Variants in WDPCP observed in about 807,000 individuals in gnomAD.
WDPCP encodes WD repeat-containing and planar cell polarity effector protein fritz homolog.
Under a neutral mutation model 93.1 loss-of-function variants are expected in WDPCP, and 71 were observed. That is an observed-to-expected ratio of 0.76 (90% CI 0.63 to 0.93). The LOEUF (loss-of-function observed/expected upper bound fraction) is 0.93, where lower values mean the gene tolerates loss of function less well. WDPCP is among the 40% of genes least tolerant of loss of function. The pLI is 0.00. For synonymous variants in WDPCP, 315 were observed against 315.0 expected, an observed-to-expected ratio of 1.00 and a Z score of 0.00; for missense variants, 844 against 887.4, an observed-to-expected ratio of 0.95 and a Z score of 0.62.
At chr2:63,670,605 G>C (rs1190852529) in intron 2 of WDPCP, among the ~76,000 whole-genome samples, 1 of 152,166 alleles carries the variant, frequency 6.6e-6, no homozygotes, top group Non-Finnish European at 1.5e-5. Context: ...AGTGTGTATA[G>C]AGGTAAAGTG....
chr2:63,236,996 A>G (rs1211080039), intron 14 of WDPCP, among the ~76,000 whole-genome samples: 1 of 152,290 alleles, frequency 6.6e-6, no homozygotes. Flanking sequence ...ACCTGCTTAA[A>G]CTAAAGAACT....
chr2:63,290,471 G>A (rs1437260896), intron 13 of WDPCP, among the ~76,000 whole-genome samples: 1 of 97,116 alleles, frequency 1.0e-5, no homozygotes, highest in African/African-American at 4.9e-5. Context: ...TTTAAAATGA[G>A]GAAAGACTTA....
chr2:63,764,392 G>T (rs886906526), intron 2 of WDPCP, among the ~76,000 whole-genome samples: 2 of 152,146 alleles, frequency 1.3e-5, no homozygotes, highest in African/African-American at 4.8e-5. Context: ...CTGAACATAT[G>T]GGCATGGTCT....
At chr2:63,721,856 C>G (rs1167321566) in intron 2 of WDPCP, among the ~76,000 whole-genome samples, 5 of 152,204 alleles carry the variant, frequency 3.3e-5, no homozygotes, top group African/African-American at 1.2e-4. Context: ...TCTCCTGACT[C>G]AGCCTGCCGA....
At chr2:63,125,043 C>G (rs970937887) in intron 17 of WDPCP, among the ~76,000 whole-genome samples, 3 of 152,158 alleles carry the variant, frequency 2.0e-5, no homozygotes, top group Admixed American at 6.5e-5. Context: ...GTAAGTTGAC[C>G]AGCTATTCAA....
intron 1 of WDPCP, among the ~76,000 whole-genome samples, chr2:63,498,445 A>C (rs1575531086): frequency 6.6e-6 from 1 of 152,204 alleles, no homozygotes; most frequent in Non-Finnish European, 1.5e-5. Flanking sequence ...ATCCTTAAAA[A>C]ATTTCAATTT....
At chr2:63,752,838 G>A (rs950219813) in intron 2 of WDPCP, among the ~76,000 whole-genome samples, 2 of 151,742 alleles carry the variant, frequency 1.3e-5, no homozygotes, top group East Asian at 1.9e-4. Context: ...GATTACAGGC[G>A]CCCACCACCA....
chr2:63,409,311 G>A (rs754468950), intron 9 of WDPCP, among the ~76,000 whole-genome samples: 3 of 152,156 alleles, frequency 2.0e-5, no homozygotes, highest in Non-Finnish European at 4.4e-5. Flanking sequence ...AATCACTGCA[G>A]TTTGGCTCAC....
At chr2:63,246,684 G>A (rs758874714) in intron 14 of WDPCP, among the ~76,000 whole-genome samples, 5 of 152,094 alleles carry the variant, frequency 3.3e-5, no homozygotes, top group Non-Finnish European at 7.4e-5. Flanking sequence ...CTGTGATTAC[G>A]TTAACTGATG....
intron 1 of WDPCP, among the ~76,000 whole-genome samples, chr2:63,534,774 G>A (rs1228424083): frequency 1.3e-5 from 2 of 152,120 alleles, no homozygotes; most frequent in Non-Finnish European, 2.9e-5. Context: ...GGCAAAAACT[G>A]GAAGCATTCC....
intron 6 of WDPCP, among the ~76,000 whole-genome samples, chr2:63,446,621 G>T (rs950225068): frequency 5.3e-5 from 8 of 152,152 alleles, no homozygotes; most frequent in Non-Finnish European, 1.2e-4. Flanking sequence ...TGACAGCCTG[G>T]TCAGATATCT....
chr2:63,837,916 C>A, the WDPCP span, among the ~76,000 whole-genome samples: 2 of 152,058 alleles, frequency 1.3e-5, no homozygotes, highest in African/African-American at 2.4e-5. Flanking sequence ...CAAGCCTGGC[C>A]AACACGCCGA....
chr2:63,706,280 A>ACC (rs1378133048), intron 2 of WDPCP, among the ~76,000 whole-genome samples: 2 of 152,156 alleles, frequency 1.3e-5, no homozygotes, highest in African/African-American at 4.8e-5. Context: ...TAATTGGAGC[A>ACC]TTTAGCCCAT....
chr2:63,451,593 A>C (rs1033918412), intron 6 of WDPCP, among the ~76,000 whole-genome samples: 9 of 152,242 alleles, frequency 5.9e-5, no homozygotes, highest in African/African-American at 2.2e-4. Context: ...AACTCATTTT[A>C]AGAGGCCAGC....
intron 15 of WDPCP, among the ~76,000 whole-genome samples, chr2:63,172,833 A>G (rs974055401): frequency 6.6e-6 from 1 of 152,180 alleles, no homozygotes; most frequent in Non-Finnish European, 1.5e-5. Context: ...GCAGTTTTCA[A>G]AAAGGATAGC....
At chr2:63,423,099 G>A (rs1695996482) in intron 9 of WDPCP, among the ~76,000 whole-genome samples, 1 of 152,212 alleles carries the variant, frequency 6.6e-6, no homozygotes, top group Admixed American at 6.5e-5. Flanking sequence ...GTACTTCTGG[G>A]TGCCTGCACA....
intron 1 of WDPCP, among the ~76,000 whole-genome samples, chr2:63,531,396 G>A (rs933716877): frequency 2.0e-5 from 3 of 152,246 alleles, no homozygotes; most frequent in East Asian, 1.9e-4. Flanking sequence ...TCCTCAAATG[G>A]GTCCCTGACC....
At chr2:63,334,725 T>C (rs1018188798) in intron 12 of WDPCP, among the ~76,000 whole-genome samples, 1 of 151,914 alleles carries the variant, frequency 6.6e-6, no homozygotes, top group Admixed American at 6.6e-5. Context: ...TAGTGTGAAA[T>C]GAAAGTAAAT....
At chr2:63,791,540 T>C (rs772652091) in intron 2 of WDPCP, among the ~76,000 whole-genome samples, 4 of 152,162 alleles carry the variant, frequency 2.6e-5, no homozygotes, top group Non-Finnish European at 5.9e-5. Context: ...GCCATGGAAA[T>C]GGTGCTTGCT....
Sources: allele counts gnomAD v4.1 joint callset (sites outside exome capture counted in the v4.1 genomes callset), GRCh38; gene constraint gnomAD v4.1.1; transcripts MANE v1.5; gene names NCBI Gene and HGNC (gene_info 2026-07-23, HGNC 2026-07-21).